SNX16: variants seen among roughly 807,000 people sequenced by gnomAD.
The protein encoded by SNX16 is sorting nexin-16.
A neutral mutation model predicts 36.7 loss-of-function variants in SNX16; 35 were observed. The observed-to-expected ratio is 0.95, with a 90% CI of 0.73 to 1.27. The LOEUF (loss-of-function observed/expected upper bound fraction) is 1.27, where lower values mean the gene tolerates loss of function less well. Ranked by LOEUF, SNX16 falls within the 50% of genes most tolerant of loss-of-function variation. The probability of loss-of-function intolerance (pLI) is 0.00; values close to 1 mark genes in which losing one functional copy is unlikely to be tolerated. For missense variants in SNX16, 367 were observed against 393.6 expected (o/e 0.93, Z 0.57); for synonymous variants, 134 against 132.0 (o/e 1.02, Z -0.10).
At chr8:81,811,259 G>A (rs1286067552) in intron 5 of SNX16, among the ~76,000 whole-genome samples, 9 of 152,146 alleles carry the variant, frequency 5.9e-5, no homozygotes, top group Non-Finnish European at 1.2e-4. Flanking sequence ...GGATTTAATA[G>A]GGAGTTCTGG....
intron 3 of SNX16, among the ~76,000 whole-genome samples, chr8:81,825,816 A>G (rs2130719016): frequency 6.6e-6 from 1 of 152,292 alleles, no homozygotes; most frequent in South Asian, 2.1e-4. Context: ...AATAAGGCAA[A>G]AACTAGAGAA....
rs750624437 is a variant in SNX16 at position 81,839,989 on chromosome 8, T to A, written c.-3A>T. ...ACTGGGACATAAGGAGTTGCCATCT[T>A]CTTTTGGCTTTTCCAACAAGCTTGC... is the stretch of plus-strand genomic sequence containing the variant. On this transcript the variant is annotated 5_prime_UTR_variant, in exon 2 of 8. Coordinates refer to ENST00000345957, the MANE Select transcript of SNX16 (RefSeq NM_152836.3). 6.3e-7 allele frequency: 1 copy of A among 1,588,582 alleles called. No homozygotes were observed. Among genetic ancestry groups the A allele is most frequent in the Admixed American group, 1.8e-5 (1 of 55,458 alleles).
intron 5 of SNX16, among the ~76,000 whole-genome samples, chr8:81,805,691 G>A (rs1028458752): frequency 1.3e-5 from 2 of 152,068 alleles, no homozygotes; most frequent in South Asian, 2.1e-4. Context: ...AGGCTGAGGC[G>A]GGCAGATCAC....
At chr8:81,802,702 T>C (rs1809758833) in intron 6 of SNX16, among the ~76,000 whole-genome samples, 1 of 151,792 alleles carries the variant, frequency 6.6e-6, no homozygotes, top group South Asian at 2.1e-4. Context: ...CAATTCAAGA[T>C]ATGCTGATGA....
intron 2 of SNX16, among the ~76,000 whole-genome samples, chr8:81,839,409 T>C (rs952754879): frequency 3.3e-5 from 5 of 152,200 alleles, no homozygotes; most frequent in East Asian, 1.9e-4. Flanking sequence ...AATAGTTACA[T>C]AGGTGTGTCT....
chr8:81,817,814 T>C (rs1194579238), intron 4 of SNX16, among the ~76,000 whole-genome samples: 1 of 152,156 alleles, frequency 6.6e-6, no homozygotes, highest in Non-Finnish European at 1.5e-5. Flanking sequence ...ACCCTCACCC[T>C]TGCTTGAGAA....
At chr8:81,834,772 C>T (rs1811419664) in intron 2 of SNX16, among the ~76,000 whole-genome samples, 1 of 152,234 alleles carries the variant, frequency 6.6e-6, no homozygotes, top group South Asian at 2.1e-4. Flanking sequence ...GGCAGCTCCA[C>T]CCCTGGGGCT....
At chr8:81,813,776 A>T (rs1358801104) in intron 5 of SNX16, among the ~76,000 whole-genome samples, 2 of 151,934 alleles carry the variant, frequency 1.3e-5, no homozygotes, top group East Asian at 3.9e-4. Context: ...GTGAACAGAC[A>T]TTTCATTGAA....
At chr8:81,821,252 C>T (rs1214318972) in intron 4 of SNX16, among the ~76,000 whole-genome samples, 2 of 151,838 alleles carry the variant, frequency 1.3e-5, no homozygotes, top group African/African-American at 4.8e-5. Flanking sequence ...AAGACCATTA[C>T]CACTGTTCTG....
chr8:81,841,435 C>G (rs920450129), intron 1 of SNX16, among the ~76,000 whole-genome samples: 1 of 151,872 alleles, frequency 6.6e-6, no homozygotes, highest in Non-Finnish European at 1.5e-5. Context: ...GCTGATTCAC[C>G]GCTCCTCGGT....
In SNX16 at chr8:81,842,109, AC is replaced by A. The variant is rs2129967989; in HGVS notation, c.-97+12del. 1 of 151,326 alleles carries A rather than the reference AC, an allele frequency of 6.6e-6. No individual in the cohort carries two copies. Among genetic ancestry groups the A allele is most frequent in the African/African-American group, 2.4e-5 (1 of 41,248 alleles). The allele number at this position is 151,326 out of a possible 1,614,324, so 9.4% of individuals were successfully genotyped here. ...AGCGACCGCCTGTCCTGAGGTAATGACCCAGTCTTTACCTCAGCCCCCTCGG... is the reference window on the plus strand; with the variant it reads ...AGCGACCGCCTGTCCTGAGGTAATGACCAGTCTTTACCTCAGCCCCCTCGG... On this transcript the variant is annotated intron_variant, in intron 1 of 7. Coordinates refer to ENST00000345957, the MANE Select transcript of SNX16 (RefSeq NM_152836.3).
intron 4 of SNX16, among the ~76,000 whole-genome samples, chr8:81,822,419 T>C (rs149378928): frequency 6.6e-5 from 10 of 151,680 alleles, no homozygotes; most frequent in African/African-American, 1.9e-4. Context: ...AAACCTAAGA[T>C]TGAAAAGAAG....
intron 5 of SNX16, among the ~76,000 whole-genome samples, chr8:81,811,233 A>T (rs1810230510): frequency 6.6e-6 from 1 of 152,212 alleles, no homozygotes; most frequent in Non-Finnish European, 1.5e-5. Context: ...GAAACCCAGA[A>T]GCAATGATCT....
intron 6 of SNX16, 120 bp downstream of exon 6, chr8:81,802,972 A>T: frequency 1.1e-6 from 1 of 929,850 alleles, no homozygotes; most frequent in East Asian, 3.0e-5. Context: ...GAAGTATGCC[A>T]AAAGCCTACA....
intron 3 of SNX16, among the ~76,000 whole-genome samples, chr8:81,828,566 G>A (rs1285006962): frequency 6.6e-6 from 1 of 152,098 alleles, no homozygotes; most frequent in Non-Finnish European, 1.5e-5. Flanking sequence ...AATTCTAGAT[G>A]GTCCATGATC....
chr8:81,830,699 C>A (rs1195831872), intron 2 of SNX16, among the ~76,000 whole-genome samples: 2 of 151,074 alleles, frequency 1.3e-5, no homozygotes, highest in African/African-American at 4.9e-5. Context: ...CCAAAGCAGT[C>A]TATAGATTCA....
At chr8:81,838,411 T>C (rs1031452751) in intron 2 of SNX16, among the ~76,000 whole-genome samples, 2 of 152,038 alleles carry the variant, frequency 1.3e-5, no homozygotes, top group East Asian at 3.8e-4. Flanking sequence ...TTATAAGACT[T>C]TATTAATTAA....
chr8:81,799,915 T>C lies in SNX16; in HGVS notation c.*1582A>G, dbSNP rs1027093955. On this transcript the variant is annotated 3_prime_UTR_variant, in exon 8 of 8. Transcript: ENST00000345957. The stretch of plus-strand genomic sequence containing the variant: ...TAATTTTAATAAATAAGCAGATCAA[T>C]TTATTATATTCATTTCTGTCTCTAA... 6.6e-6 allele frequency: 1 copy of C among 151,894 alleles called. No individual in the cohort carries two copies. The highest frequency in any genetic ancestry group is 2.4e-5 in the African/African-American group (1 of 41,438). 9.4% of individuals were successfully genotyped at this position (151,894 alleles called of 1,614,324 possible). A position where few individuals can be genotyped will look rare whatever the true frequency, so the allele number is the denominator to read the frequency against.
intron 5 of SNX16, among the ~76,000 whole-genome samples, chr8:81,806,401 A>T (rs558646588): frequency 3.1e-4 from 47 of 152,164 alleles, no homozygotes; most frequent in Admixed American, 1.4e-3. Flanking sequence ...CCAATAGATT[A>T]AAAAAAACCC....
Sources: allele counts gnomAD v4.1 joint callset (sites outside exome capture counted in the v4.1 genomes callset), GRCh38; gene constraint gnomAD v4.1.1; transcripts MANE v1.5; gene names NCBI Gene and HGNC (gene_info 2026-07-23, HGNC 2026-07-21).